DPYD: variants seen among roughly 807,000 people sequenced by gnomAD.
The protein encoded by DPYD is dihydropyrimidine dehydrogenase [NADP(+)].
In DPYD, 109 loss-of-function variants were observed where a neutral mutation model predicts 116.2. The observed-to-expected ratio is 0.94, with a 90% CI of 0.80 to 1.10. The LOEUF (loss-of-function observed/expected upper bound fraction) is 1.10. DPYD is among the 50% of genes least tolerant of loss of function. The pLI, the probability that DPYD is intolerant of heterozygous loss-of-function variation, is 0.00. For missense variants in DPYD, 1,302 were observed against 1,254.5 expected (o/e 1.04, Z -0.57); for synonymous variants, 440 against 432.0 (o/e 1.02, Z -0.23).
chr1:97,333,458 A>G (rs1050111334), intron 16 of DPYD, among the ~76,000 whole-genome samples: 14 of 150,498 alleles, frequency 9.3e-5, no homozygotes, highest in Non-Finnish European at 1.8e-4. Flanking sequence ...TCGGCCTCCC[A>G]AAGTGCTGGG....
chr1:97,385,443 G>A (rs6679142), intron 14 of DPYD, among the ~76,000 whole-genome samples: 74,922 of 149,216 alleles, frequency 0.5, 18,856 homozygotes, highest in South Asian at 0.68. Flanking sequence ...TGAAGAAGAA[G>A]AAAAAATTAG....
intron 18 of DPYD, among the ~76,000 whole-genome samples, chr1:97,248,800 C>G (rs1311669573): frequency 6.6e-6 from 1 of 152,106 alleles, no homozygotes; most frequent in African/African-American, 2.4e-5. Flanking sequence ...TCTATATACT[C>G]TATTCCATAT....
At chr1:97,790,426 C>A (rs911825656) in intron 3 of DPYD, among the ~76,000 whole-genome samples, 2 of 152,124 alleles carry the variant, frequency 1.3e-5, no homozygotes, top group Non-Finnish European at 2.9e-5. Flanking sequence ...CTACACCAGA[C>A]GACCCTAGAG....
intron 2 of DPYD, among the ~76,000 whole-genome samples, chr1:97,836,173 G>T (rs1272762890): frequency 6.6e-6 from 1 of 152,120 alleles, no homozygotes; most frequent in Non-Finnish European, 1.5e-5. Context: ...ATGGGGTGCG[G>T]GTGGCAAAGT....
chr1:97,122,214 G>A (rs1652498437), intron 20 of DPYD, among the ~76,000 whole-genome samples: 1 of 152,204 alleles, frequency 6.6e-6, no homozygotes, highest in South Asian at 2.1e-4. Flanking sequence ...AGAAAGATAG[G>A]TGACTATCAT....
At chr1:97,235,847 C>T (rs17116594) in intron 18 of DPYD, among the ~76,000 whole-genome samples, 12,890 of 152,014 alleles carry the variant, frequency 0.085, 933 homozygotes, top group East Asian at 0.28. Context: ...AATAGGGAGT[C>T]TAATCCAATT....
chr1:97,902,647 G>A (rs991340039), intron 1 of DPYD, among the ~76,000 whole-genome samples: 3 of 151,788 alleles, frequency 2.0e-5, no homozygotes, highest in Admixed American at 2.0e-4. Flanking sequence ...TCATTTTAAA[G>A]ATTAAGACTG....
chr1:97,770,908 C>T (rs1186721344), intron 3 of DPYD, among the ~76,000 whole-genome samples: 2 of 152,114 alleles, frequency 1.3e-5, no homozygotes, highest in Non-Finnish European at 2.9e-5. Context: ...GTATTATAAA[C>T]TAGTCATTGT....
intron 16 of DPYD, among the ~76,000 whole-genome samples, chr1:97,365,830 C>T (rs1028756141): frequency 4.6e-5 from 7 of 152,084 alleles, no homozygotes; most frequent in African/African-American, 1.4e-4. Context: ...CACGGGGTTT[C>T]GCCATGTTGC....
chr1:97,662,358 A>ATGT (rs1469120326), intron 8 of DPYD, among the ~76,000 whole-genome samples: 3 of 151,878 alleles, frequency 2.0e-5, no homozygotes, highest in Non-Finnish European at 4.4e-5. Context: ...TGTGTACATC[A>ATGT]AACAGCTGAT....
At chr1:97,450,969 A>C (rs1453638601) in intron 13 of DPYD, among the ~76,000 whole-genome samples, 1 of 152,180 alleles carries the variant, frequency 6.6e-6, no homozygotes, top group Non-Finnish European at 1.5e-5. Context: ...AAAACTAAAA[A>C]GAAACAAAGA....
chr1:97,431,319 A>G (rs926419773), intron 14 of DPYD, among the ~76,000 whole-genome samples: 1 of 152,166 alleles, frequency 6.6e-6, no homozygotes, highest in African/African-American at 2.4e-5. Flanking sequence ...TTGAGGCACT[A>G]AAACCTAGCA....
chr1:97,373,600 A>G lies in DPYD; in HGVS notation c.2019T>C (p.His673=), dbSNP rs1312675856. ...GGCCCATTCCTCTTTCTCCCATGCC[A>G]TGTGGACATGATAAATTTAACTCCA... ...DALELNLSCP[H]GMGERGMGLA... Residue 673 remains histidine (H), a synonymous_variant, in exon 16 of 23, where the codon CAT becomes CAC. Transcript: ENST00000370192. The G allele has an allele frequency of 6.2e-7, 1 of 1,613,918 alleles. No individual in the cohort carries two copies. The highest frequency in any genetic ancestry group is 1.1e-5 in the South Asian group (1 of 91,078).
intron 8 of DPYD, among the ~76,000 whole-genome samples, chr1:97,611,590 T>C (rs1009157957): frequency 6.6e-6 from 1 of 152,066 alleles, no homozygotes; most frequent in Non-Finnish European, 1.5e-5. Flanking sequence ...TTTCTATACA[T>C]CAGATAACAT....
intron 18 of DPYD, among the ~76,000 whole-genome samples, chr1:97,302,605 T>C (rs1666928942): frequency 6.6e-6 from 1 of 151,962 alleles, no homozygotes; most frequent in South Asian, 2.1e-4. Flanking sequence ...AAGTTATCTT[T>C]CTATAGTCTT....
intron 12 of DPYD, chr1:97,546,108 C>T (rs369744796): frequency 6.9e-5 from 98 of 1,430,060 alleles, no homozygotes; most frequent in South Asian, 4.5e-4. Flanking sequence ...GTTGACAAGG[C>T]AAACAATGGC....
chr1:97,759,132 T>C (rs1665431557), intron 3 of DPYD, among the ~76,000 whole-genome samples: 1 of 152,178 alleles, frequency 6.6e-6, no homozygotes, highest in African/African-American at 2.4e-5. Flanking sequence ...ACTAAATTTT[T>C]TGGCTTGTGT....
At chr1:97,714,345 T>C (rs1263926503) in intron 5 of DPYD, among the ~76,000 whole-genome samples, 1 of 152,006 alleles carries the variant, frequency 6.6e-6, no homozygotes, top group Non-Finnish European at 1.5e-5. Context: ...CTTGAGTAGC[T>C]GGGACTAAAG....
intron 20 of DPYD, among the ~76,000 whole-genome samples, chr1:97,186,686 T>A (rs2101810080): frequency 6.6e-6 from 1 of 152,062 alleles, no homozygotes; most frequent in Admixed American, 6.6e-5. Context: ...CTGTCTCTAC[T>A]AAAAATACAA....
Sources: allele counts gnomAD v4.1 joint callset (sites outside exome capture counted in the v4.1 genomes callset), GRCh38; gene constraint gnomAD v4.1.1; transcripts MANE v1.5; gene names NCBI Gene and HGNC (gene_info 2026-07-23, HGNC 2026-07-21).